Variants in EXT2 observed in about 807,000 individuals in gnomAD.
EXT2 encodes exostosin glycosyltransferase 2.
EXT2 carries 53 observed loss-of-function variants against 81.6 expected under a neutral mutation model. That is an observed-to-expected ratio of 0.65 (90% confidence interval 0.52 to 0.82). The LOEUF is 0.82. EXT2 is among the 40% of genes least tolerant of loss of function. EXT2 has a pLI of 0.00. For synonymous variants in EXT2, 320 were observed against 340.0 expected, an observed-to-expected ratio of 0.94 and a Z score of 0.65; for missense variants, 774 against 910.2, an observed-to-expected ratio of 0.85 and a Z score of 1.93.
intron 7 of EXT2, among the ~76,000 whole-genome samples, chr11:44,146,966 A>T (rs1014039436): frequency 6.6e-6 from 1 of 152,240 alleles, no homozygotes; most frequent in African/African-American, 2.4e-5. Context: ...ACATCACTCA[A>T]GATGGTTGAT....
At chr11:44,117,113 G>A (rs781278695) in intron 4 of EXT2, among the ~76,000 whole-genome samples, 123 of 152,176 alleles carry the variant, frequency 8.1e-4, no homozygotes, top group Non-Finnish European at 1.5e-3. Flanking sequence ...GGGATTACAG[G>A]CGTGTGCCAC....
rs1564992691 is a variant in EXT2 at position 44,245,697 on chromosome 11, C to T, written c.*1410C>T. ...TTCTGTTGAGTGACATGAAGGTGGG[C>T]AGTTATTATGCTGTAGTTTCATCAA... is the stretch of plus-strand genomic sequence containing the variant. On this transcript the variant is annotated 3_prime_UTR_variant, in exon 14 of 14. Coordinates refer to ENST00000533608, the MANE Select transcript of EXT2 (RefSeq NM_207122.2). Among the ~76,000 whole-genome samples, 1 of 152,170 alleles carries T rather than the reference C, an allele frequency of 6.6e-6. No homozygotes were observed. The highest frequency in any genetic ancestry group is 1.5e-5 in the Non-Finnish European group (1 of 68,028).
At chr11:44,109,671 A>G (rs1348722115) in intron 3 of EXT2, among the ~76,000 whole-genome samples, 4 of 152,164 alleles carry the variant, frequency 2.6e-5, no homozygotes, top group African/African-American at 9.7e-5. Flanking sequence ...CCTATAATGT[A>G]GAGGGTAATG....
At position 44,095,731 on chromosome 11, in the gene EXT2, C is replaced by G. The variant is rs900309940; in HGVS notation, c.-152C>G. 1.0e-3 allele frequency: 160 copies of G among 153,918 alleles called. No homozygotes were observed. Among genetic ancestry groups the G allele is most frequent in the African/African-American group, 3.6e-3 (149 of 41,614 alleles). The allele number at this position is 153,918 out of a possible 1,614,324, so 9.5% of individuals were successfully genotyped here. ...CTCGCTCGCTGCTCGCCAGCCCAGA[C>G]TCGGCCCTGGCAGTGGCGGCTGGCG... On this transcript the variant is annotated 5_prime_UTR_variant, in exon 1 of 14. Coordinates refer to ENST00000533608, the MANE Select transcript of EXT2 (RefSeq NM_207122.2).
chr11:44,119,169 T>TATATATATATATATACAC (rs1192115471), intron 4 of EXT2, among the ~76,000 whole-genome samples: 25 of 63,112 alleles, frequency 4.0e-4, no homozygotes, highest in Admixed American at 6.6e-4. Context: ...TATATATATA[T>TATATATATATATATACAC]ACACATACAC....
chr11:44,106,908 C>T (rs533795746), intron 1 of EXT2, among the ~76,000 whole-genome samples: 35 of 152,302 alleles, frequency 2.3e-4, no homozygotes, highest in Admixed American at 4.6e-4. Flanking sequence ...GGATTATAGA[C>T]GTGAGCCACC....
rs1370377798 is a variant in EXT2, at chr11:44,244,483, C to T, written c.*196C>T. On this transcript the variant is annotated 3_prime_UTR_variant, in exon 14 of 14. Coordinates refer to ENST00000533608, the MANE Select transcript of EXT2 (RefSeq NM_207122.2). The stretch of plus-strand genomic sequence containing the variant: ...ATCCAAGCACCTCGAGCTATGCAAC[C>T]TCTGTTCTTGTATTTCTTATGATCT... 1.7e-6 allele frequency: 1 copy of T among 598,454 alleles called. No individual in the cohort carries two copies. Among genetic ancestry groups the T allele is most frequent in the African/African-American group, 1.9e-5 (1 of 53,978 alleles). 37.1% of individuals were successfully genotyped at this position (598,454 alleles called of 1,614,324 possible).
chr11:44,183,206 C>G (rs1371132704), intron 8 of EXT2, among the ~76,000 whole-genome samples: 5 of 152,152 alleles, frequency 3.3e-5, no homozygotes, highest in Non-Finnish European at 7.4e-5. Flanking sequence ...GGGAGTTTCT[C>G]CAATGTCATG....
intron 7 of EXT2, among the ~76,000 whole-genome samples, chr11:44,153,645 G>GT (rs1435155548): frequency 6.6e-6 from 1 of 151,926 alleles, no homozygotes; most frequent in African/African-American, 2.4e-5. Flanking sequence ...TAAGCAGTAG[G>GT]TTTTTTTGTA....
chr11:44,106,777 A>C (rs12290998), intron 1 of EXT2, among the ~76,000 whole-genome samples: 5,302 of 152,188 alleles, frequency 0.035, 295 homozygotes, highest in African/African-American at 0.12. Flanking sequence ...TTACAGGTGC[A>C]TGCCACCACA....
At chr11:44,145,111 T>G (rs1954699119) in intron 7 of EXT2, among the ~76,000 whole-genome samples, 1 of 151,992 alleles carries the variant, frequency 6.6e-6, no homozygotes, top group Non-Finnish European at 1.5e-5. Flanking sequence ...GCATGGATTG[T>G]CCTCCCGCAT....
chr11:44,097,332 G>A (rs1006257408), intron 1 of EXT2, among the ~76,000 whole-genome samples: 1 of 152,174 alleles, frequency 6.6e-6, no homozygotes, highest in African/African-American at 2.4e-5. Flanking sequence ...GGGGCATTTA[G>A]CCATAACATA....
chr11:44,205,683 G>A (rs1020240473), intron 9 of EXT2, among the ~76,000 whole-genome samples: 12 of 152,200 alleles, frequency 7.9e-5, no homozygotes, highest in African/African-American at 2.9e-4. Flanking sequence ...AGTTAAGGCA[G>A]CTTTTCTCCT....
At chr11:44,237,908 A>AC (rs1433300281) in intron 13 of EXT2, among the ~76,000 whole-genome samples, 1 of 137,146 alleles carries the variant, frequency 7.3e-6, no homozygotes, top group Non-Finnish European at 1.6e-5. Context: ...TACTTAAAAA[A>AC]AAAAAAAAAA....
At chr11:44,154,023 G>A (rs778213750) in intron 7 of EXT2, among the ~76,000 whole-genome samples, 8 of 151,348 alleles carry the variant, frequency 5.3e-5, no homozygotes, top group Non-Finnish European at 1.2e-4. Context: ...TACATAGTAG[G>A]TATATATATT....
chr11:44,237,209 C>A (rs1229288323), intron 13 of EXT2, among the ~76,000 whole-genome samples: 1 of 151,980 alleles, frequency 6.6e-6, no homozygotes, highest in Admixed American at 6.6e-5. Context: ...ATCTCATATG[C>A]CTCTGCTTGC....
intron 8 of EXT2, among the ~76,000 whole-genome samples, chr11:44,175,367 TTTTTTTTTC>T (rs991286858): frequency 8.6e-5 from 13 of 151,598 alleles, no homozygotes; most frequent in East Asian, 3.9e-4. Flanking sequence ...TCTACCTTTC[TTTTTTTTTC>T]TTTTTTTTCT....
In EXT2 at chr11:44,249,037, C is replaced by G. The variant is rs1054467125; in HGVS notation, c.*4750C>G. On this transcript the variant is annotated 3_prime_UTR_variant, in exon 14 of 14. Coordinates refer to ENST00000533608, the MANE Select transcript of EXT2 (RefSeq NM_207122.2). ...TTGGAAACAGAGTCTCACTCTGTCC[C>G]ATAGGCTGGAGTGTAGTGCTGTGAT... Among the ~76,000 whole-genome samples, 1 of 152,050 alleles carries G rather than the reference C, an allele frequency of 6.6e-6. No homozygotes were observed. The highest frequency in any genetic ancestry group is 2.4e-5 in the African/African-American group (1 of 41,392).
At chr11:44,119,132 A>ATG (rs1565201108) in intron 4 of EXT2, among the ~76,000 whole-genome samples, 9 of 25,978 alleles carry the variant, frequency 3.5e-4, no homozygotes, top group African/African-American at 1.3e-3. Flanking sequence ...ATTTATATAT[A>ATG]TATATATATA....
Sources: gnomAD v4.1 joint callset for allele counts (sites outside exome capture counted in the v4.1 genomes callset) on GRCh38, gnomAD v4.1.1 for gene constraint, MANE v1.5 for transcripts, NCBI Gene and HGNC (gene_info 2026-07-23, HGNC 2026-07-21) for gene names.